DAB1: variants seen among roughly 807,000 people sequenced by gnomAD.
DAB1 encodes DAB adaptor protein 1.
A neutral mutation model predicts 64.6 loss-of-function variants in DAB1; 15 were observed. The ratio of observed to expected loss-of-function variants is 0.23; its 90% confidence interval spans 0.16 to 0.36. DAB1 has a LOEUF of 0.36. DAB1 is among the 10% of genes least tolerant of loss of function. The pLI, the probability that DAB1 is intolerant of heterozygous loss-of-function variation, is 1.00. For missense variants in DAB1, 596 were observed against 706.7 expected (o/e 0.84, Z 1.78); for synonymous variants, 235 against 251.9 (o/e 0.93, Z 0.64).
At chr1:58,443,871 C>G (rs1446424775) in intron 3 of DAB1, among the ~76,000 whole-genome samples, 1 of 152,156 alleles carries the variant, frequency 6.6e-6, no homozygotes, top group Non-Finnish European at 1.5e-5. Context: ...ATAGTTCATC[C>G]TAAAATATCA....
intron 1 of DAB1, among the ~76,000 whole-genome samples, chr1:57,300,517 G>T (rs1673556070): frequency 6.6e-6 from 1 of 152,158 alleles, no homozygotes; most frequent in South Asian, 2.1e-4. Flanking sequence ...GAAAAGCTGT[G>T]GATGATAGCA....
rs955007260 is a variant in DAB1 at position 58,131,973 on chromosome 1, T to C, written n.387+18538A>G. 3.9e-5 allele frequency among the ~76,000 whole-genome samples: 6 copies of C among 151,940 alleles called. No homozygotes were observed. In the East Asian group the frequency reaches 1.2e-3, roughly 30 times the overall value. On this transcript the variant is annotated intron_variant and non_coding_transcript_variant, in intron 5 of 20. Coordinates refer to the DAB1 transcript ENST00000485760. ...GAGGCAGGCAGGCCTCCTTGAGCTG[T>C]GGTGGGCTCCACCCAGTTCGAGCTT...
intron 4 of DAB1, among the ~76,000 whole-genome samples, chr1:58,246,413 C>T (rs1660530747): frequency 6.6e-6 from 1 of 152,158 alleles, no homozygotes; most frequent in Non-Finnish European, 1.5e-5. Flanking sequence ...AGAAAGGGAC[C>T]TCTGAGTGGA....
At chr1:57,590,310 TTTTATTTATTTA>T (rs58148255) in intron 7 of DAB1, among the ~76,000 whole-genome samples, 1 of 151,070 alleles carries the variant, frequency 6.6e-6, no homozygotes, top group Non-Finnish European at 1.5e-5. Flanking sequence ...TTTTCTTTTC[TTTTATTTATTTA>T]TTTATTTATT....
chr1:57,309,392 A>C (rs1674479459), intron 1 of DAB1, among the ~76,000 whole-genome samples: 1 of 152,210 alleles, frequency 6.6e-6, no homozygotes, highest in Admixed American at 6.5e-5. Flanking sequence ...ATTCACTTTT[A>C]GGATTTCTGC....
At chr1:57,350,299 T>C (rs1250629373) in intron 1 of DAB1, among the ~76,000 whole-genome samples, 1 of 152,170 alleles carries the variant, frequency 6.6e-6, no homozygotes, top group Non-Finnish European at 1.5e-5. Flanking sequence ...CCACCAGCTT[T>C]TACGTGGTGT....
intron 5 of DAB1, among the ~76,000 whole-genome samples, chr1:57,956,850 A>C (rs1557577652): frequency 6.6e-6 from 1 of 152,232 alleles, no homozygotes; most frequent in Admixed American, 6.5e-5. Context: ...CCATCTTGGA[A>C]AGACTTTGGG....
At chr1:57,651,665 CA>C (rs142806300) in intron 6 of DAB1, among the ~76,000 whole-genome samples, 1,634 of 149,258 alleles carry the variant, frequency 0.011, 31 homozygotes, top group African/African-American at 0.039. Flanking sequence ...AGAAAACAAA[CA>C]AAAAAAAAAT....
At chr1:57,510,573 A>G (rs1644395123) in intron 7 of DAB1, among the ~76,000 whole-genome samples, 1 of 152,042 alleles carries the variant, frequency 6.6e-6, no homozygotes, top group South Asian at 2.1e-4. Context: ...TGGGGTCTCT[A>G]ATTTAATATG....
At chr1:58,500,058 A>G (rs983137980) in intron 3 of DAB1, among the ~76,000 whole-genome samples, 6 of 152,240 alleles carry the variant, frequency 3.9e-5, no homozygotes, top group African/African-American at 1.4e-4. Flanking sequence ...TTCAAGAGGG[A>G]AAAAAATCAC....
At chr1:57,267,226 C>T (rs983454044) in intron 2 of DAB1, among the ~76,000 whole-genome samples, 1 of 151,896 alleles carries the variant, frequency 6.6e-6, no homozygotes, top group African/African-American at 2.4e-5. Context: ...TGCCAGTGGC[C>T]ACCGAGAGCA....
intron 6 of DAB1, among the ~76,000 whole-genome samples, chr1:57,716,854 T>C (rs549900254): frequency 1.1e-4 from 17 of 152,252 alleles, no homozygotes; most frequent in African/African-American, 4.1e-4. Flanking sequence ...GGTTAATACG[T>C]AGAATTTATA....
chr1:58,068,765 CA>C (rs35122490), intron 5 of DAB1, among the ~76,000 whole-genome samples: 3,626 of 85,322 alleles, frequency 0.042, 131 homozygotes, highest in East Asian at 0.25. Context: ...GACTCCATCT[CA>C]AAAAAAAAAA....
At chr1:57,003,493 C>CT (rs539227603) in intron 14 of DAB1, among the ~76,000 whole-genome samples, 127 of 147,260 alleles carry the variant, frequency 8.6e-4, no homozygotes, top group African/African-American at 2.5e-3. Context: ...GGACATACTG[C>CT]TTTTTTTTTT....
chr1:57,251,815 T>C (rs492986), intron 2 of DAB1, among the ~76,000 whole-genome samples: 103,234 of 152,150 alleles, frequency 0.68, 35,925 homozygotes, highest in African/African-American at 0.83. Flanking sequence ...ATTTTGGAAA[T>C]AGAAAACTGT....
intron 5 of DAB1, among the ~76,000 whole-genome samples, chr1:58,032,945 T>C (rs2100484848): frequency 6.6e-6 from 1 of 152,348 alleles, no homozygotes; most frequent in East Asian, 1.9e-4. Flanking sequence ...CTGTTTCAGG[T>C]CACATTCATC....
In DAB1 at chr1:57,795,690, GATATATATATATATATATATATAT is replaced by G. The variant is rs3081038; in HGVS notation, n.551+88285_551+88308del. 1.6e-3 allele frequency among the ~76,000 whole-genome samples: 114 copies of G among 69,098 alleles called. 1 individual carries two copies. Among genetic ancestry groups the G allele is most frequent in the East Asian group, 6.7e-3 (7 of 1,038 alleles). 45.3% of individuals were successfully genotyped at this position (69,098 alleles called of 152,430 possible). A position where few individuals can be genotyped will look rare whatever the true frequency, so the allele number is the denominator to read the frequency against. On this transcript the variant is annotated intron_variant and non_coding_transcript_variant, in intron 6 of 20. Transcript: ENST00000485760. ...TAACCATCCATGAATTATGCTTGGA[GATATATATATATATATATATATAT>G]ATATATATATATATATATATCATAC...
intron 2 of DAB1, among the ~76,000 whole-genome samples, chr1:57,272,664 C>T (rs1238832418): frequency 6.6e-6 from 1 of 152,200 alleles, no homozygotes. Flanking sequence ...GACTGATCAA[C>T]TTGTAACTCT....
At chr1:58,503,794 G>A (rs1324517382) in intron 3 of DAB1, among the ~76,000 whole-genome samples, 1 of 152,142 alleles carries the variant, frequency 6.6e-6, no homozygotes, top group Admixed American at 6.5e-5. Flanking sequence ...GTAAGTTTCT[G>A]TTGTTTATAA....
Sources: allele counts gnomAD v4.1 joint callset (sites outside exome capture counted in the v4.1 genomes callset), GRCh38; gene constraint gnomAD v4.1.1; transcripts MANE v1.5; gene names NCBI Gene and HGNC (gene_info 2026-07-23, HGNC 2026-07-21).